NPFFR2: variants seen among roughly 807,000 people sequenced by gnomAD.
The protein encoded by NPFFR2 is G-protein coupled receptor 74.
Under a neutral mutation model 13.1 loss-of-function variants are expected in NPFFR2, and 15 were observed. That is an observed-to-expected ratio of 1.15 (90% CI 0.77 to 1.76). The LOEUF is 1.76. Ranked by LOEUF, NPFFR2 falls within the 40% of genes most tolerant of loss-of-function variation. The pLI is 0.00. For missense variants in NPFFR2, 572 were observed against 503.5 expected, an observed-to-expected ratio of 1.14 and a Z score of -1.30; for synonymous variants, 190 against 175.7, an observed-to-expected ratio of 1.08 and a Z score of -0.65.
chr4:72,113,414 C>G (rs543427683), intron 1 of NPFFR2, among the ~76,000 whole-genome samples: 1 of 152,204 alleles, frequency 6.6e-6, no homozygotes, highest in South Asian at 2.1e-4. Flanking sequence ...CTTCATCAAT[C>G]CATTTAGCCA....
intron 1 of NPFFR2, among the ~76,000 whole-genome samples, chr4:72,098,168 C>A (rs962937726): frequency 6.6e-6 from 1 of 152,090 alleles, no homozygotes; most frequent in Non-Finnish European, 1.5e-5. Flanking sequence ...ATTATGGAAA[C>A]AACATGATAT....
At chr4:72,134,453 C>A (rs1722347742) in intron 2 of NPFFR2, among the ~76,000 whole-genome samples, 1 of 152,098 alleles carries the variant, frequency 6.6e-6, no homozygotes, top group Admixed American at 6.6e-5. Flanking sequence ...CACATCAGCA[C>A]AAACATACAT....
chr4:72,142,573 G>T (rs1036683188), intron 3 of NPFFR2, among the ~76,000 whole-genome samples: 5 of 152,152 alleles, frequency 3.3e-5, no homozygotes, highest in Non-Finnish European at 5.9e-5. Flanking sequence ...AACGGAACCT[G>T]AGAATATCTA....
chr4:72,122,329 T>C (rs1721906898), intron 1 of NPFFR2, among the ~76,000 whole-genome samples: 1 of 151,996 alleles, frequency 6.6e-6, no homozygotes, highest in Non-Finnish European at 1.5e-5. Flanking sequence ...CCACTGTCAA[T>C]ATTAGACAGA....
At chr4:72,052,818 A>C (rs1257674546) in intron 1 of NPFFR2, among the ~76,000 whole-genome samples, 1 of 151,966 alleles carries the variant, frequency 6.6e-6, no homozygotes, top group African/African-American at 2.4e-5. Flanking sequence ...CTTCATCTTC[A>C]TGATAAAAAT....
intron 1 of NPFFR2, among the ~76,000 whole-genome samples, chr4:72,073,420 A>G (rs1720324709): frequency 2.6e-5 from 4 of 152,028 alleles, no homozygotes; most frequent in Admixed American, 2.6e-4. Flanking sequence ...AGAAATGCTT[A>G]AGGGAGCCCT....
At chr4:72,133,897 A>G (rs905203996) in intron 2 of NPFFR2, among the ~76,000 whole-genome samples, 3 of 152,084 alleles carry the variant, frequency 2.0e-5, no homozygotes, top group African/African-American at 7.2e-5. Context: ...TTTTGCCAAT[A>G]AAAAGTGCTC....
intron 1 of NPFFR2, among the ~76,000 whole-genome samples, chr4:72,033,212 A>T (rs1718970042): frequency 6.6e-6 from 1 of 152,204 alleles, no homozygotes; most frequent in Non-Finnish European, 1.5e-5. Context: ...CATAATAATG[A>T]TGAATCTAAG....
chr4:72,039,457 A>G, intron 1 of NPFFR2: 1 of 857,446 alleles, frequency 1.2e-6, no homozygotes, highest in Non-Finnish European at 1.4e-6. Context: ...ATTTTTCTCT[A>G]CTCTTATACC....
intron 2 of NPFFR2, among the ~76,000 whole-genome samples, chr4:72,132,922 A>C: frequency 6.6e-6 from 1 of 152,150 alleles, no homozygotes; most frequent in Non-Finnish European, 1.5e-5. Flanking sequence ...AAGTTTGCAA[A>C]AATTTTCTCT....
intron 1 of NPFFR2, among the ~76,000 whole-genome samples, chr4:72,050,665 A>C (rs1044709378): frequency 6.6e-6 from 1 of 151,952 alleles, no homozygotes; most frequent in African/African-American, 2.4e-5. Flanking sequence ...CACAATGTGC[A>C]GGTTAGTTAC....
intron 1 of NPFFR2, among the ~76,000 whole-genome samples, chr4:72,049,002 G>A (rs1578421604): frequency 6.6e-6 from 1 of 152,030 alleles, no homozygotes; most frequent in Non-Finnish European, 1.5e-5. Context: ...ATGTAGGGAA[G>A]TCAATAACAA....
rs529936333 is a variant in NPFFR2 at position 72,148,145 on chromosome 4, T to G, written c.*333T>G. 89 of 192,264 alleles carry G rather than the reference T, an allele frequency of 4.6e-4. No individual in the cohort carries two copies. The highest frequency in any genetic ancestry group is 2.0e-3 in the African/African-American group (87 of 43,086). The allele number at this position is 192,264 out of a possible 1,614,324, so 11.9% of individuals were successfully genotyped here. Reference sequence around the variant, plus strand: ...CGCGTGCGTGCATGTGTGTGTGTATTTTCCCCAAATGGTGATGATGAGCAG... The same window carrying G: ...CGCGTGCGTGCATGTGTGTGTGTATGTTCCCCAAATGGTGATGATGAGCAG... On this transcript the variant is annotated 3_prime_UTR_variant, in exon 4 of 4. Transcript: ENST00000308744.
chr4:72,121,245 A>G, intron 1 of NPFFR2, among the ~76,000 whole-genome samples: 1 of 152,194 alleles, frequency 6.6e-6, no homozygotes, highest in Non-Finnish European at 1.5e-5. Context: ...GAAATATGGT[A>G]CAATGTGAAA....
At chr4:72,105,212 C>T (rs1286251742) in intron 1 of NPFFR2, among the ~76,000 whole-genome samples, 1 of 151,080 alleles carries the variant, frequency 6.6e-6, no homozygotes, top group Non-Finnish European at 1.5e-5. Context: ...GAATAATTTA[C>T]AATATGTAGA....
chr4:72,111,498 G>A (rs1044815260), intron 1 of NPFFR2, among the ~76,000 whole-genome samples: 5 of 151,982 alleles, frequency 3.3e-5, no homozygotes, highest in East Asian at 1.9e-4. Flanking sequence ...ATAATCTACA[G>A]TTAACCTTCA....
chr4:72,091,364 C>T (rs1015318443), intron 1 of NPFFR2, among the ~76,000 whole-genome samples: 5 of 152,100 alleles, frequency 3.3e-5, no homozygotes, highest in African/African-American at 1.2e-4. Context: ...AGGGAGGATT[C>T]CCTCTTTCTC....
At chr4:72,038,966 G>T (rs1292563600) in intron 1 of NPFFR2, among the ~76,000 whole-genome samples, 19 of 129,352 alleles carry the variant, frequency 1.5e-4, no homozygotes, top group Non-Finnish European at 2.3e-4. Context: ...GTGCAGTGGC[G>T]CAATCTCGGC....
rs1457200418 is a variant in NPFFR2, at chr4:72,111,220, T to TAA, written c.-7-17365_-7-17364insAA. 4.2e-4 allele frequency among the ~76,000 whole-genome samples: 64 copies of TAA among 152,148 alleles called. 1 individual carries two copies. Among genetic ancestry groups the TAA allele is most frequent in the African/African-American group, 1.3e-3 (54 of 41,532 alleles). ...AATTTACTAACTTGCTTTGCATATT[T>TAA]GTTAAGTCCAGGTCCCACTTCATGA... On this transcript the variant is annotated intron_variant, in intron 1 of 3. Transcript: ENST00000308744.
Sources: allele counts gnomAD v4.1 joint callset (sites outside exome capture counted in the v4.1 genomes callset), GRCh38; gene constraint gnomAD v4.1.1; transcripts MANE v1.5; gene names NCBI Gene and HGNC (gene_info 2026-07-23, HGNC 2026-07-21).